APLF: variants seen among roughly 807,000 people sequenced by gnomAD.
APLF encodes the protein aprataxin and PNKP like factor.
APLF carries 61 observed loss-of-function variants against 55.6 expected under a neutral mutation model. The ratio of observed to expected loss-of-function variants is 1.10; its 90% CI spans 0.89 to 1.36. The LOEUF is 1.36. Among genes scored for constraint, APLF ranks in the 40% most tolerant of loss-of-function variants. The pLI is 0.00. For missense variants in APLF, 611 were observed against 602.5 expected (o/e 1.01, Z -0.15); for synonymous variants, 207 against 214.8 (o/e 0.96, Z 0.32).
chr2:68,519,054 T>C (rs895846021), intron 5 of APLF, among the ~76,000 whole-genome samples: 3 of 127,302 alleles, frequency 2.4e-5, no homozygotes, highest in African/African-American at 8.9e-5. Context: ...TAATATAATA[T>C]ATAATTAATA....
At chr2:68,518,948 T>G (rs1299175899) in intron 5 of APLF, among the ~76,000 whole-genome samples, 44 of 123,684 alleles carry the variant, frequency 3.6e-4, no homozygotes, top group African/African-American at 1.4e-3. Context: ...TATTATATAA[T>G]ATTATTAATA....
chr2:68,484,150 C>A (rs1040359864), intron 1 of APLF, among the ~76,000 whole-genome samples: 2 of 147,800 alleles, frequency 1.4e-5, no homozygotes, highest in African/African-American at 2.7e-5. Flanking sequence ...TCAATAAATA[C>A]CAAAAATAAG....
intron 1 of APLF, among the ~76,000 whole-genome samples, chr2:68,477,112 CACAA>C (rs1421543522): frequency 2.6e-5 from 4 of 152,138 alleles, no homozygotes; most frequent in African/African-American, 9.7e-5. Flanking sequence ...AACATACACA[CACAA>C]ACACAGAGTG....
In APLF at chr2:68,490,265, A is replaced by G; in HGVS notation, c.168+4A>G. The stretch of plus-strand genomic sequence containing the variant: ...TGGTCAGCTGCGAATCAAACCGGTA[A>G]ATATGTTATTAATGATTCATTTTAA... On this transcript the variant is annotated splice_donor_region_variant and intron_variant, in intron 2 of 9. Transcript: ENST00000303795. 1 of 1,609,264 alleles carries G rather than the reference A, an allele frequency of 6.2e-7. No individual in the cohort carries two copies. The highest frequency in any genetic ancestry group is 8.5e-7 in the Non-Finnish European group (1 of 1,178,232).
chr2:68,474,893 C>T (rs531669471), intron 1 of APLF, among the ~76,000 whole-genome samples: 8 of 152,300 alleles, frequency 5.3e-5, no homozygotes, highest in African/African-American at 1.9e-4. Context: ...GTCTCGAACT[C>T]CTGACCTTAG....
At chr2:68,528,149 A>G (rs1573224365) in intron 6 of APLF, 2 of 617,540 alleles carry the variant, frequency 3.2e-6, no homozygotes, top group African/African-American at 1.8e-5. Context: ...GCAGGCAGAG[A>G]TGCTCCTCAG....
At chr2:68,469,711 C>T (rs1487153895) in intron 1 of APLF, among the ~76,000 whole-genome samples, 5 of 152,158 alleles carry the variant, frequency 3.3e-5, no homozygotes, top group African/African-American at 1.2e-4. Flanking sequence ...AACATAAGGG[C>T]TCCTGTTTCC....
intron 2 of APLF, among the ~76,000 whole-genome samples, chr2:68,500,313 C>T (rs1676681443): frequency 6.6e-6 from 1 of 152,116 alleles, no homozygotes; most frequent in East Asian, 1.9e-4. Context: ...AAAAGATGAT[C>T]ATGGACCATA....
rs769024203 is a variant in APLF, at chr2:68,502,821, G to A, written c.259G>A (p.Asp87Asn). The A allele has an allele frequency of 1.2e-6, 2 of 1,608,368 alleles. No homozygotes were observed. Among genetic ancestry groups the A allele is most frequent in the South Asian group, 1.1e-5 (1 of 89,996 alleles). Residue 87 changes from aspartate to asparagine, a missense_variant, in exon 3 of 10, where the codon GAC becomes AAC. By Grantham distance (23) the Asp-to-Asn change is conservative. Coordinates refer to ENST00000303795, the MANE Select transcript of APLF (RefSeq NM_173545.3). ...PNLWCYLNPGDSFSLLVDKYI... is the reference protein window; with the variant it reads ...PNLWCYLNPGNSFSLLVDKYI... ...TCTATGGTGCTATTTGAATCCTGGA[G>A]ACAGCTTTTCTTTGTTAGTTGACAA...
At chr2:68,526,021 T>C (rs772344334) in intron 5 of APLF, 40 bp from the exon 6 acceptor site, 2 of 1,534,032 alleles carry the variant, frequency 1.3e-6, no homozygotes, top group Non-Finnish European at 1.8e-6. Flanking sequence ...CATTTGAAGA[T>C]ACAGAAGATA....
intron 7 of APLF, among the ~76,000 whole-genome samples, chr2:68,541,005 C>T (rs968882067): frequency 3.9e-5 from 6 of 152,198 alleles, no homozygotes; most frequent in Admixed American, 3.9e-4. Flanking sequence ...AAAACCAAAC[C>T]TACATGTCTG....
At chr2:68,538,972 C>T (rs1052329465) in intron 7 of APLF, among the ~76,000 whole-genome samples, 1 of 152,154 alleles carries the variant, frequency 6.6e-6, no homozygotes, top group Non-Finnish European at 1.5e-5. Flanking sequence ...CAGTTCCCCC[C>T]ACTGTATCTT....
At chr2:68,542,179 A>G (rs1224533569) in intron 7 of APLF, among the ~76,000 whole-genome samples, 2 of 152,180 alleles carry the variant, frequency 1.3e-5, no homozygotes, top group South Asian at 2.1e-4. Flanking sequence ...ATAAAACTAT[A>G]AACATCTAAA....
intron 5 of APLF, among the ~76,000 whole-genome samples, chr2:68,520,427 C>T (rs1424508907): frequency 1.3e-5 from 2 of 151,924 alleles, no homozygotes; most frequent in Non-Finnish European, 2.9e-5. Flanking sequence ...ATGTTATCTT[C>T]TAGAATTTTT....
intron 8 of APLF, among the ~76,000 whole-genome samples, chr2:68,552,862 T>G (rs1412026080): frequency 6.6e-6 from 1 of 152,018 alleles, no homozygotes; most frequent in Non-Finnish European, 1.5e-5. Context: ...TATGGTGCTT[T>G]CTTCACCTAC....
At chr2:68,497,118 G>C (rs1676572321) in intron 2 of APLF, among the ~76,000 whole-genome samples, 1 of 152,172 alleles carries the variant, frequency 6.6e-6, no homozygotes, top group Admixed American at 6.5e-5. Context: ...TTGGCTCACA[G>C]TTTTGCAGGC....
intron 8 of APLF, among the ~76,000 whole-genome samples, chr2:68,553,182 A>T (rs570004054): frequency 2.0e-5 from 3 of 152,186 alleles, no homozygotes; most frequent in African/African-American, 7.2e-5. Context: ...TTTTCAGCCA[A>T]ATGTCAAAAT....
chr2:68,517,296 GTCAT>G (rs1558538565), intron 5 of APLF, among the ~76,000 whole-genome samples: 68 of 119,558 alleles, frequency 5.7e-4, no homozygotes, highest in African/African-American at 2.2e-3. Context: ...ATTAATATAT[GTCAT>G]TACTATATAA....
chr2:68,523,343 G>A (rs1419928612), intron 5 of APLF, among the ~76,000 whole-genome samples: 1 of 151,840 alleles, frequency 6.6e-6, no homozygotes, highest in East Asian at 1.9e-4. Context: ...CATTGCTTGT[G>A]GAGGTATAAA....
Sources: allele counts gnomAD v4.1 joint callset (sites outside exome capture counted in the v4.1 genomes callset), GRCh38; gene constraint gnomAD v4.1.1; transcripts MANE v1.5; gene names NCBI Gene and HGNC (gene_info 2026-07-23, HGNC 2026-07-21).